The following RNF17 variants were observed in gnomAD, a reference collection of about 807,000 sequenced individuals.
RNF17 encodes the protein spermatogenesis associated 23.
Under a neutral mutation model 200.5 loss-of-function variants are expected in RNF17, and 31 were observed. The ratio of observed to expected loss-of-function variants is 0.15; its 90% CI spans 0.12 to 0.21. The LOEUF is 0.21. Ranked by LOEUF, RNF17 falls within the 10% of genes least tolerant of loss-of-function variation. RNF17 has a pLI of 1.00. For synonymous variants in RNF17, 606 were observed against 637.8 expected, an observed-to-expected ratio of 0.95 and a Z score of 0.75; for missense variants, 1,628 against 1,905.1, an observed-to-expected ratio of 0.85 and a Z score of 2.71.
chr13:24,826,731 C>T (rs1005833475), intron 16 of RNF17, among the ~76,000 whole-genome samples: 18 of 151,674 alleles, frequency 1.2e-4, no homozygotes, highest in Admixed American at 2.0e-4. Flanking sequence ...TGGGATTGCG[C>T]CACTGCACTC....
intron 3 of RNF17, among the ~76,000 whole-genome samples, chr13:24,776,756 G>T (rs1487969679): frequency 6.6e-6 from 1 of 152,164 alleles, no homozygotes; most frequent in African/African-American, 2.4e-5. Flanking sequence ...CACCCCCTCT[G>T]AAGGAGGCAG....
intron 27 of RNF17, among the ~76,000 whole-genome samples, chr13:24,862,036 C>CAAAT (rs68006273): frequency 8.7e-5 from 3 of 34,300 alleles, no homozygotes; most frequent in African/African-American, 2.1e-4. Context: ...GGGAAACGGC[C>CAAAT]ACTTTCAAAA....
the RNF17 span, among the ~76,000 whole-genome samples, chr13:24,752,859 T>A: frequency 1.3e-5 from 2 of 152,228 alleles, no homozygotes; most frequent in Non-Finnish European, 2.9e-5. Context: ...TGCTTAGACC[T>A]TTAGCCATTT....
intron 15 of RNF17, among the ~76,000 whole-genome samples, chr13:24,820,444 T>TTTGTG (rs1422798264): frequency 6.6e-6 from 1 of 150,842 alleles, no homozygotes; most frequent in Non-Finnish European, 1.5e-5. Flanking sequence ...TTTGTTTTGT[T>TTTGTG]TTTATTTTTG....
At chr13:24,801,652 A>AT (rs1474542020) in intron 13 of RNF17, among the ~76,000 whole-genome samples, 1 of 151,656 alleles carries the variant, frequency 6.6e-6, no homozygotes, top group African/African-American at 2.4e-5. Context: ...CAGTGGGTGG[A>AT]TTTTTTTTTA....
chr13:24,844,945 G>A lies in RNF17; in HGVS notation c.2983-16G>A. On this transcript the variant is annotated splice_polypyrimidine_tract_variant and intron_variant, in intron 21 of 35. Coordinates refer to ENST00000255324, the MANE Select transcript of RNF17 (RefSeq NM_031277.3). Reference sequence around the variant, plus strand: ...AATGTTGTTTGTCTGTAGACTTAAAGTTATTATTTTCTTAGGTCTTGCTGT... The same window carrying A: ...AATGTTGTTTGTCTGTAGACTTAAAATTATTATTTTCTTAGGTCTTGCTGT... The A allele has an allele frequency of 1.3e-6, 2 of 1,567,800 alleles. No homozygotes were observed. The highest frequency in any genetic ancestry group is 3.4e-4 in the Middle Eastern group (2 of 5,970).
At chr13:24,849,341 G>A (rs1255897164) in intron 22 of RNF17, among the ~76,000 whole-genome samples, 1 of 152,212 alleles carries the variant, frequency 6.6e-6, no homozygotes, top group Non-Finnish European at 1.5e-5. Context: ...TCTAAGGCAA[G>A]CTTGTCCAAC....
intron 19 of RNF17, among the ~76,000 whole-genome samples, chr13:24,843,298 C>T (rs1202263690): frequency 6.6e-6 from 1 of 152,140 alleles, no homozygotes; most frequent in African/African-American, 2.4e-5. Context: ...GCAGGCGGAT[C>T]ATGAGGTCAG....
chr13:24,814,135 A>G (rs1470031582), intron 15 of RNF17, among the ~76,000 whole-genome samples: 1 of 152,240 alleles, frequency 6.6e-6, no homozygotes, highest in African/African-American at 2.4e-5. Context: ...AAATATATTT[A>G]CTATTCATTA....
chr13:24,817,337 G>A (rs1887525452), intron 15 of RNF17, among the ~76,000 whole-genome samples: 1 of 152,126 alleles, frequency 6.6e-6, no homozygotes, highest in Admixed American at 6.5e-5. Context: ...GTCAGTCTTG[G>A]AAGGTTGTGT....
chr13:24,789,855 G>A, intron 9 of RNF17, 83 bp downstream of exon 9: 1 of 822,978 alleles, frequency 1.2e-6, no homozygotes. Flanking sequence ...TTGATGTTTA[G>A]TGTAATTCAA....
chr13:24,795,772 A>G (rs1430483709), intron 10 of RNF17, among the ~76,000 whole-genome samples: 1 of 152,164 alleles, frequency 6.6e-6, no homozygotes, highest in East Asian at 1.9e-4. Flanking sequence ...CATTATCAGT[A>G]GGGGTTCTGA....
At chr13:24,852,338 C>T (rs899460664) in intron 24 of RNF17, among the ~76,000 whole-genome samples, 17 of 152,036 alleles carry the variant, frequency 1.1e-4, no homozygotes, top group Non-Finnish European at 2.2e-4. Context: ...CGGGGTTTCA[C>T]CGTGTTAGCC....
At chr13:24,808,627 A>G (rs1886192159) in intron 15 of RNF17, among the ~76,000 whole-genome samples, 1 of 99,018 alleles carries the variant, frequency 1.0e-5, no homozygotes, top group African/African-American at 4.1e-5. Context: ...CTAATTGAAT[A>G]CCCTTTATTT....
intron 29 of RNF17, among the ~76,000 whole-genome samples, chr13:24,865,291 A>C (rs758265517): frequency 6.6e-6 from 1 of 152,188 alleles, no homozygotes; most frequent in Non-Finnish European, 1.5e-5. Context: ...ACATTCTAAA[A>C]TCTTTATAGA....
chr13:24,802,644 A>T, intron 14 of RNF17, 73 bp downstream of exon 14: 2 of 1,211,758 alleles, frequency 1.7e-6, no homozygotes, highest in Non-Finnish European at 2.3e-6. Context: ...TTTTGCCTTT[A>T]AAAACCATGT....
chr13:24,784,126 G>A (rs1882787282), intron 6 of RNF17, among the ~76,000 whole-genome samples: 1 of 152,100 alleles, frequency 6.6e-6, no homozygotes, highest in Non-Finnish European at 1.5e-5. Flanking sequence ...AAACCACTTG[G>A]GCTTTTTGCT....
the RNF17 span, chr13:24,885,420 C>T: frequency 1.2e-5 from 18 of 1,448,022 alleles, no homozygotes; most frequent in Non-Finnish European, 1.6e-5. Flanking sequence ...CAGCTAAAAC[C>T]TACTCTTACT....
At chr13:24,832,066 G>A in intron 18 of RNF17, 88 bp downstream of exon 18, 3 of 955,316 alleles carry the variant, frequency 3.1e-6, no homozygotes, top group Non-Finnish European at 4.5e-6. Context: ...AATAAATTCA[G>A]TGTGCCATCA....
Sources: gnomAD v4.1 joint callset for allele counts (sites outside exome capture counted in the v4.1 genomes callset) on GRCh38, gnomAD v4.1.1 for gene constraint, MANE v1.5 for transcripts, NCBI Gene and HGNC (gene_info 2026-07-23, HGNC 2026-07-21) for gene names.